The following GLIS3 variants were observed in gnomAD, a reference collection of about 807,000 sequenced individuals.
GLIS3 encodes zinc finger protein GLIS3.
A neutral mutation model predicts 78.6 loss-of-function variants in GLIS3; 53 were observed. That is an observed-to-expected ratio of 0.67 (90% CI 0.54 to 0.85). The LOEUF is 0.85. GLIS3 is among the 40% of genes least tolerant of loss of function. The pLI is 0.00. For synonymous variants in GLIS3, 684 were observed against 509.9 expected (o/e 1.34, Z -4.60); for missense variants, 1,703 against 1,231.1 (o/e 1.38, Z -5.74).
At chr9:4,366,177 G>A in the GLIS3 span, among the ~76,000 whole-genome samples, 1 of 152,124 alleles carries the variant, frequency 6.6e-6, no homozygotes, top group Non-Finnish European at 1.5e-5. Context: ...TCCTTAATTT[G>A]GTCTATCCTA....
intron 2 of GLIS3, among the ~76,000 whole-genome samples, chr9:4,230,333 A>C (rs1822145042): frequency 6.6e-6 from 1 of 152,232 alleles, no homozygotes. Context: ...GGGGCAACAG[A>C]GAACTGGACT....
chr9:4,328,630 G>T (rs1285912689), intron 2 of GLIS3, among the ~76,000 whole-genome samples: 1 of 152,238 alleles, frequency 6.6e-6, no homozygotes, highest in African/African-American at 2.4e-5. Flanking sequence ...TAAGAAGCAA[G>T]GAAGTCGTCC....
chr9:4,342,405 T>C (rs957966834), intron 2 of GLIS3, among the ~76,000 whole-genome samples: 3 of 152,196 alleles, frequency 2.0e-5, no homozygotes, highest in African/African-American at 7.2e-5. Context: ...TGGGTGATTG[T>C]AGGTGTGTGG....
At chr9:4,114,599 G>C (rs761597875) in intron 4 of GLIS3, among the ~76,000 whole-genome samples, 8 of 152,184 alleles carry the variant, frequency 5.3e-5, no homozygotes, top group Non-Finnish European at 1.2e-4. Context: ...TCAGCACCTA[G>C]AAAGTACTAT....
intron 2 of GLIS3, among the ~76,000 whole-genome samples, chr9:4,198,228 C>T (rs901454098): frequency 6.6e-6 from 1 of 152,092 alleles, no homozygotes; most frequent in African/African-American, 2.4e-5. Flanking sequence ...AGATCCAAGA[C>T]AAGGTTGAAA....
the GLIS3 span, among the ~76,000 whole-genome samples, chr9:4,369,961 G>A: frequency 6.4e-4 from 98 of 152,280 alleles, no homozygotes; most frequent in African/African-American, 2.4e-3. Flanking sequence ...GGAGGCCGAG[G>A]CAGGCAGATC....
At chr9:4,287,168 G>A (rs983870241) in intron 1 of GLIS3, among the ~76,000 whole-genome samples, 1 of 152,188 alleles carries the variant, frequency 6.6e-6, no homozygotes, top group African/African-American at 2.4e-5. Flanking sequence ...GGGATGGGAA[G>A]AGAATCAACA....
intron 6 of GLIS3, among the ~76,000 whole-genome samples, chr9:3,905,530 G>A (rs1269858599): frequency 6.6e-6 from 1 of 152,102 alleles, no homozygotes; most frequent in Non-Finnish European, 1.5e-5. Flanking sequence ...TTGTCACTTG[G>A]TTGCATCCTG....
At chr9:3,956,235 C>T (rs116872448) in intron 4 of GLIS3, among the ~76,000 whole-genome samples, 2 of 152,028 alleles carry the variant, frequency 1.3e-5, no homozygotes, top group East Asian at 3.9e-4. Flanking sequence ...TTCCAAGACA[C>T]AGCAATGCTC....
chr9:4,122,014 T>C (rs1223176112), intron 3 of GLIS3, among the ~76,000 whole-genome samples: 2 of 152,232 alleles, frequency 1.3e-5, no homozygotes, highest in African/African-American at 2.4e-5. Context: ...CCTACTGATA[T>C]TACTTCTGGT....
intron 2 of GLIS3, among the ~76,000 whole-genome samples, chr9:4,145,733 TCCTCCCTTTGTTCCC>T (rs1440695796): frequency 2.6e-5 from 4 of 151,580 alleles, no homozygotes; most frequent in African/African-American, 9.7e-5. Flanking sequence ...CCAGCTTCCC[TCCTCCCTTTGTTCCC>T]CCTCCCTCCC....
In GLIS3 at chr9:4,118,240, AC is replaced by A. The variant is rs1158312632; in HGVS notation, c.1237del (p.Val413CysfsTer29). ...GTCGGGGCCCGGCAGGCCATGCTGC[AC>A]CACCATGTGGTTGACCAGGCCTGGC... is the stretch of plus-strand genomic sequence containing the variant. ...LQPGLVNHMVVQHGLPGPDSQ... is the reference protein window; with the variant it reads ...LQPGLVNHMVXQHGLPGPDSQ... On this transcript the variant is annotated frameshift_variant, in exon 4 of 11. Coordinates refer to ENST00000381971, the MANE Select transcript of GLIS3 (RefSeq NM_001042413.2). LOFTEE classifies it high-confidence loss of function. The surrounding 1 kb of genome is among the most constrained non-coding windows in gnomAD (Gnocchi z 4.7). 5 of 1,590,526 alleles carry A rather than the reference AC, an allele frequency of 3.1e-6. No homozygotes were observed. In the African/African-American group the frequency reaches 6.7e-5, roughly 21 times the overall value.
At chr9:4,196,528 G>T (rs1178198765) in intron 2 of GLIS3, among the ~76,000 whole-genome samples, 22 of 152,152 alleles carry the variant, frequency 1.4e-4, no homozygotes, top group Admixed American at 1.4e-3. Context: ...CTTCACTCCT[G>T]AGGCCAGCAA....
At chr9:4,389,976 G>A in the GLIS3 span, among the ~76,000 whole-genome samples, 1 of 152,206 alleles carries the variant, frequency 6.6e-6, no homozygotes, top group Non-Finnish European at 1.5e-5. Context: ...GTGGAGAAGG[G>A]AATTATTCAC....
chr9:4,207,267 G>A (rs763632598), intron 2 of GLIS3, among the ~76,000 whole-genome samples: 29 of 152,138 alleles, frequency 1.9e-4, no homozygotes, highest in Non-Finnish European at 3.8e-4. Flanking sequence ...GGTGGACTCT[G>A]CCAGCCCCAC....
the GLIS3 span, among the ~76,000 whole-genome samples, chr9:4,393,889 C>T: frequency 7.3e-5 from 11 of 151,652 alleles, no homozygotes; most frequent in East Asian, 1.9e-4. Context: ...CTCTTTTTAC[C>T]GCCAGTAATA....
At position 4,118,160 on chromosome 9, in the gene GLIS3, T is replaced by C. The variant is rs80161424; in HGVS notation, c.1318A>G (p.Thr440Ala). The change falls in exon 4 of 11, where the codon ACC becomes GCC. Residue 440 changes from threonine to alanine, a missense_variant. Thr to Ala is a moderately conservative substitution (Grantham distance 58, BLOSUM62 0). Coordinates refer to ENST00000381971, the MANE Select transcript of GLIS3 (RefSeq NM_001042413.2). The surrounding 1 kb of genome is among the most constrained non-coding windows in gnomAD (Gnocchi z 4.7). ...GGAGGCGCGGGGGGTAGGTCTACGGTGCTGCCCGGGAACTCCTCCAGGCGT... is the reference window on the plus strand; with the variant it reads ...GGAGGCGCGGGGGGTAGGTCTACGGCGCTGCCCGGGAACTCCTCCAGGCGT... Reference protein sequence around the residue: ...TERLEEFPGSTVDLPPAPPLP... With the variant: ...TERLEEFPGSAVDLPPAPPLP... 5.6e-4 allele frequency: 871 copies of C among 1,564,204 alleles called. 4 individuals are homozygous for C. In the African/African-American group the frequency reaches 0.011, roughly 19 times the overall value.
the GLIS3 span, among the ~76,000 whole-genome samples, chr9:4,364,864 G>A: frequency 4.9e-5 from 7 of 142,248 alleles, no homozygotes; most frequent in South Asian, 2.3e-4. Context: ...GCACACTACA[G>A]CCTTCAACTC....
intron 2 of GLIS3, among the ~76,000 whole-genome samples, chr9:4,181,515 G>C (rs1817322244): frequency 6.6e-6 from 1 of 152,144 alleles, no homozygotes; most frequent in East Asian, 1.9e-4. Context: ...CTTCTTGCTT[G>C]ACCATCATCA....
Sources: allele counts gnomAD v4.1 joint callset (sites outside exome capture counted in the v4.1 genomes callset), GRCh38; gene constraint gnomAD v4.1.1; non-coding constraint Gnocchi (gnomAD v3.1); transcripts MANE v1.5; gene names NCBI Gene and HGNC (gene_info 2026-07-23, HGNC 2026-07-21).